The following CFAP263 variants were observed in gnomAD, a reference collection of about 807,000 sequenced individuals.
CFAP263 encodes cilia and flagella associated protein 263.
At chr16:58,273,529 T>TA in the CFAP263 span, among the ~76,000 whole-genome samples, 4 of 152,214 alleles carry the variant, frequency 2.6e-5, no homozygotes, top group Non-Finnish European at 5.9e-5. Flanking sequence ...TTCTATGTTT[T>TA]AAAAAATGAA....
chr16:58,251,546 C>G, the CFAP263 span, among the ~76,000 whole-genome samples: 1 of 152,160 alleles, frequency 6.6e-6, no homozygotes, highest in Non-Finnish European at 1.5e-5. Context: ...CACCTGCCAC[C>G]ACACCCAGCT....
At chr16:58,262,640 T>G in the CFAP263 span, 36 of 1,143,720 alleles carry the variant, frequency 3.1e-5, no homozygotes, top group Non-Finnish European at 3.9e-5. Context: ...ACACAGCGTT[T>G]GGGTGCCCCC....
At chr16:58,276,019 CAA>C in the CFAP263 span, among the ~76,000 whole-genome samples, 1 of 151,984 alleles carries the variant, frequency 6.6e-6, no homozygotes, top group Non-Finnish European at 1.5e-5. Context: ...TGATCATAAG[CAA>C]AGTCAAAAGG....
the CFAP263 span, among the ~76,000 whole-genome samples, chr16:58,257,306 C>T: frequency 2.7e-5 from 3 of 112,152 alleles, 1 homozygote; most frequent in East Asian, 8.6e-4. Context: ...CGTGAGCCAC[C>T]GCGCCCAGCC....
the CFAP263 span, among the ~76,000 whole-genome samples, chr16:58,257,000 G>T: frequency 1.5e-5 from 2 of 134,456 alleles, no homozygotes; most frequent in South Asian, 2.4e-4. Flanking sequence ...AATTTTCTAT[G>T]CATATATGAA....
chr16:58,258,549 A>C, the CFAP263 span: 1 of 1,608,230 alleles, frequency 6.2e-7, no homozygotes, highest in African/African-American at 1.3e-5. Flanking sequence ...GAGCTTAGAA[A>C]GGGAAAAAAC....
chr16:58,250,229 G>A, the CFAP263 span: 1 of 606,102 alleles, frequency 1.6e-6, no homozygotes, highest in East Asian at 3.0e-5. Flanking sequence ...TGAGCACTGG[G>A]GAGACTTTTC....
the CFAP263 span, chr16:58,258,507 A>C: frequency 6.2e-7 from 1 of 1,613,840 alleles, no homozygotes; most frequent in Non-Finnish European, 8.5e-7. Flanking sequence ...TACATTGAGG[A>C]CATGAACCGC....
chr16:58,259,383 G>A, the CFAP263 span, among the ~76,000 whole-genome samples: 1 of 152,178 alleles, frequency 6.6e-6, no homozygotes, highest in South Asian at 2.1e-4. Context: ...TTTGTTATCA[G>A]GAGATGGACC....
the CFAP263 span, among the ~76,000 whole-genome samples, chr16:58,257,398 A>G: frequency 3.9e-5 from 6 of 152,044 alleles, no homozygotes; most frequent in African/African-American, 1.4e-4. Context: ...TCTTTACGTC[A>G]ATACATATTT....
the CFAP263 span, among the ~76,000 whole-genome samples, chr16:58,275,238 A>T: frequency 2.0e-5 from 3 of 152,172 alleles, no homozygotes; most frequent in Admixed American, 2.0e-4. Flanking sequence ...TAAAATGCAG[A>T]TTCTGAGTGG....
the CFAP263 span, chr16:58,258,404 G>C: frequency 1.2e-6 from 2 of 1,614,060 alleles, no homozygotes; most frequent in Non-Finnish European, 1.7e-6. Context: ...ATGGAGTGAA[G>C]TTTCGAGAGA....
chr16:58,265,128 G>A, the CFAP263 span, among the ~76,000 whole-genome samples: 2 of 152,224 alleles, frequency 1.3e-5, no homozygotes, highest in African/African-American at 2.4e-5. Context: ...CTGGGGCCTT[G>A]TAGGTAGAAT....
At chr16:58,256,786 G>T in the CFAP263 span, among the ~76,000 whole-genome samples, 1 of 152,182 alleles carries the variant, frequency 6.6e-6, no homozygotes, top group African/African-American at 2.4e-5. Flanking sequence ...GTCTGAACTA[G>T]GATGATTTGC....
At chr16:58,256,009 C>T in the CFAP263 span, among the ~76,000 whole-genome samples, 4 of 152,182 alleles carry the variant, frequency 2.6e-5, no homozygotes, top group South Asian at 2.1e-4. Context: ...CACAGGATGA[C>T]GTTGTTGGCT....
chr16:58,261,636 G>T, the CFAP263 span, among the ~76,000 whole-genome samples: 3 of 152,308 alleles, frequency 2.0e-5, no homozygotes, highest in East Asian at 1.9e-4. Flanking sequence ...AAAACAGGTT[G>T]GGAGCATTGG....
chr16:58,254,814 A>T, the CFAP263 span, among the ~76,000 whole-genome samples: 8 of 152,030 alleles, frequency 5.3e-5, no homozygotes, highest in African/African-American at 1.9e-4. Context: ...TCACCGTATT[A>T]GCCAATGGTC....
the CFAP263 span, among the ~76,000 whole-genome samples, chr16:58,264,748 G>A: frequency 6.6e-6 from 1 of 152,086 alleles, no homozygotes; most frequent in African/African-American, 2.4e-5. Context: ...GTGACAGGAG[G>A]GGCCACTTTG....
chr16:58,250,303 G>GT, the CFAP263 span: 1 of 524,976 alleles, frequency 1.9e-6, no homozygotes, highest in Non-Finnish European at 3.4e-6. Flanking sequence ...GAACGGGGTG[G>GT]TAGGGCGAGG....
Sources: allele counts gnomAD v4.1 joint callset (sites outside exome capture counted in the v4.1 genomes callset), GRCh38; gene constraint gnomAD v4.1.1; transcripts MANE v1.5; gene names NCBI Gene and HGNC (gene_info 2026-07-23, HGNC 2026-07-21).